AKAP12: variants seen among roughly 807,000 people sequenced by gnomAD.
The protein encoded by AKAP12 is A-kinase anchor protein 12.
AKAP12 carries 32 observed loss-of-function variants against 79.9 expected under a neutral mutation model. The observed-to-expected ratio is 0.40, with a 90% CI of 0.30 to 0.54. The LOEUF is 0.54. AKAP12 is among the 20% of genes least tolerant of loss of function. The pLI is 0.48. For synonymous variants in AKAP12, 808 were observed against 857.0 expected (o/e 0.94, Z 1.00); for missense variants, 2,074 against 2,177.0 (o/e 0.95, Z 0.94).
intron 2 of AKAP12, among the ~76,000 whole-genome samples, chr6:151,252,732 G>GAAAAAA (rs1185564468): frequency 1.0e-5 from 1 of 95,810 alleles, no homozygotes; most frequent in East Asian, 3.0e-4. Flanking sequence ...CTGTCTCTGG[G>GAAAAAA]AAAAAAAAAA....
intron 2 of AKAP12, among the ~76,000 whole-genome samples, chr6:151,285,359 G>A (rs1776480603): frequency 6.7e-6 from 1 of 149,720 alleles, no homozygotes; most frequent in Non-Finnish European, 1.5e-5. Context: ...TTGCCAGGAA[G>A]TACACATCAG....
chr6:151,318,607 A>G (rs184216091), intron 3 of AKAP12, among the ~76,000 whole-genome samples: 13 of 152,198 alleles, frequency 8.5e-5, no homozygotes, highest in South Asian at 4.2e-4. Context: ...TTTCCATTCA[A>G]TGTGCGGGGT....
At chr6:151,332,569 A>G (rs1276968724) in intron 3 of AKAP12, among the ~76,000 whole-genome samples, 1 of 152,214 alleles carries the variant, frequency 6.6e-6, no homozygotes, top group South Asian at 2.1e-4. Flanking sequence ...CTCTTGAGAA[A>G]CAAGGCATGG....
intron 2 of AKAP12, among the ~76,000 whole-genome samples, chr6:151,259,310 T>G (rs1797362719): frequency 6.6e-6 from 1 of 151,612 alleles, no homozygotes; most frequent in Non-Finnish European, 1.5e-5. Flanking sequence ...CCTTCCAAAG[T>G]GCTGGGATTA....
At chr6:151,330,185 A>C (rs1193535434) in intron 3 of AKAP12, among the ~76,000 whole-genome samples, 1 of 152,294 alleles carries the variant, frequency 6.6e-6, no homozygotes, top group African/African-American at 2.4e-5. Context: ...TTAGCTGTGC[A>C]TGGTGGCACA....
At chr6:151,295,722 G>A (rs1776710761) in intron 2 of AKAP12, among the ~76,000 whole-genome samples, 1 of 152,248 alleles carries the variant, frequency 6.6e-6, no homozygotes, top group Admixed American at 6.5e-5. Flanking sequence ...AAATGTTGCT[G>A]TTGGGTGAAT....
chr6:151,317,523 A>G (rs1475157363), intron 3 of AKAP12, among the ~76,000 whole-genome samples: 2 of 152,220 alleles, frequency 1.3e-5, no homozygotes, highest in Non-Finnish European at 2.9e-5. Context: ...AGCTTGCCAA[A>G]CATCACTGGG....
At position 151,351,445 on chromosome 6, in the gene AKAP12, G is replaced by A. The variant is rs1264348812; in HGVS notation, c.3054G>A (p.Glu1018=). ...CCGACTCCCCAGACACCACAGAGGA[G>A]GCCACTCCGGTGCAGGAGGTGGAAG... ...QLTDSPDTTE[E]ATPVQEVEGG... is the part of the protein sequence containing the mutation. Residue 1018 remains glutamate, a synonymous_variant, in exon 4 of 5, where the codon GAG becomes GAA. Coordinates refer to ENST00000402676, the MANE Select transcript of AKAP12 (RefSeq NM_005100.4). This position sits in a 1 kb window ranked among gnomAD's most constrained non-coding sequence, Gnocchi z 4.4. The A allele has an allele frequency of 1.2e-5, 20 of 1,614,094 alleles. No individual in the cohort carries two copies. The highest frequency in any genetic ancestry group is 1.0e-4 in the Admixed American group (6 of 60,000).
intron 3 of AKAP12, among the ~76,000 whole-genome samples, chr6:151,345,932 T>TGTGAGAGAGAGAGAGAGAGAGAGAGA (rs1349850485): frequency 2.0e-5 from 2 of 101,442 alleles, no homozygotes; most frequent in African/African-American, 8.7e-5. Context: ...TGTGTGTGTG[T>TGTGAGAGAGAGAGAGAGAGAGAGAGA]GAGAGAGAGA....
rs6911950 is a variant in AKAP12 at position 151,268,979 on chromosome 6, T to A, written c.162+28255T>A. Among the ~76,000 whole-genome samples, 206 of 123,800 alleles carry A rather than the reference T, an allele frequency of 1.7e-3. 1 individual carries two copies. Among genetic ancestry groups the A allele is most frequent in the African/African-American group, 6.0e-3 (182 of 30,434 alleles). 81.2% of individuals were successfully genotyped at this position (123,800 alleles called of 152,430 possible). On this transcript the variant is annotated intron_variant, in intron 2 of 4. Coordinates refer to ENST00000402676, the MANE Select transcript of AKAP12 (RefSeq NM_005100.4). ...TTTTTTTTTTTTTTTTTTTTTTTTT[T>A]AATCAACATCTAAACCCTTACTTTA...
chr6:151,292,672 G>T (rs936621264), intron 2 of AKAP12, among the ~76,000 whole-genome samples: 17 of 152,210 alleles, frequency 1.1e-4, no homozygotes, highest in Non-Finnish European at 2.4e-4. Context: ...ATGGTAATAT[G>T]TTACCTGTTT....
intron 3 of AKAP12, among the ~76,000 whole-genome samples, chr6:151,332,041 T>TG (rs1562743258): frequency 7.8e-5 from 11 of 140,460 alleles, no homozygotes; most frequent in South Asian, 2.4e-4. Context: ...CTGTTTTTTT[T>TG]TTTTTTTTTT....
intron 2 of AKAP12, among the ~76,000 whole-genome samples, chr6:151,273,196 C>T (rs954098530): frequency 6.6e-6 from 1 of 152,080 alleles, no homozygotes; most frequent in Non-Finnish European, 1.5e-5. Context: ...CGTGAGCCAC[C>T]GCGCCCCGCC....
At chr6:151,333,616 G>A (rs549258432) in intron 3 of AKAP12, among the ~76,000 whole-genome samples, 189 of 151,976 alleles carry the variant, frequency 1.2e-3, no homozygotes, top group African/African-American at 4.4e-3. Flanking sequence ...GGTGGCGGGC[G>A]CCTGTGGTCC....
intron 2 of AKAP12, among the ~76,000 whole-genome samples, chr6:151,245,990 T>A (rs1797067717): frequency 6.6e-6 from 1 of 152,246 alleles, no homozygotes; most frequent in Non-Finnish European, 1.5e-5. Context: ...GCCCCCATTC[T>A]TATTAATTTG....
chr6:151,341,634 C>A, intron 3 of AKAP12: 2 of 1,037,548 alleles, frequency 1.9e-6, no homozygotes, highest in Non-Finnish European at 2.4e-6. Flanking sequence ...GGCTGTTGGG[C>A]TGCCCCTGCC....
At chr6:151,297,879 A>G (rs1776771361) in intron 2 of AKAP12, among the ~76,000 whole-genome samples, 1 of 152,184 alleles carries the variant, frequency 6.6e-6, no homozygotes, top group Non-Finnish European at 1.5e-5. Flanking sequence ...AGGGGTGGAA[A>G]GTACTGGGAT....
intron 2 of AKAP12, among the ~76,000 whole-genome samples, chr6:151,304,733 T>C (rs1249363110): frequency 1.3e-5 from 2 of 151,628 alleles, no homozygotes; most frequent in Non-Finnish European, 2.9e-5. Flanking sequence ...TGCACCACCA[T>C]GCCTGGCTAA....
At position 151,240,498 on chromosome 6, in the gene AKAP12, C is replaced by T. The variant is rs1796949209; in HGVS notation, c.-65C>T. ...GGGCGCGCGTCTTTTGGCTCTTGCC[C>T]CTGTCCCTGCGGCTTGGGGAAGGCG... On this transcript the variant is annotated 5_prime_UTR_variant, in exon 2 of 5. Transcript: ENST00000402676. 7.4e-7 allele frequency: 1 copy of T among 1,360,498 alleles called. No individual in the cohort carries two copies. Among genetic ancestry groups the T allele is most frequent in the Admixed American group, 3.9e-5 (1 of 25,922 alleles). The allele number at this position is 1,360,498 out of a possible 1,614,324, so 84.3% of individuals were successfully genotyped here. A position where few individuals can be genotyped will look rare whatever the true frequency, so the allele number is the denominator to read the frequency against.
Sources: gnomAD v4.1 joint callset for allele counts (sites outside exome capture counted in the v4.1 genomes callset) on GRCh38, gnomAD v4.1.1 for gene constraint, Gnocchi (gnomAD v3.1) non-coding constraint, MANE v1.5 for transcripts, NCBI Gene and HGNC (gene_info 2026-07-23, HGNC 2026-07-21) for gene names.